Variants in PYCR2 observed in about 807,000 individuals in gnomAD.
PYCR2 encodes pyrroline-5-carboxylate reductase 2.
PYCR2 carries 17 observed loss-of-function variants against 23.4 expected under a neutral mutation model. The observed-to-expected ratio is 0.73, with a 90% CI of 0.50 to 1.09. The LOEUF is 1.09. Among genes scored for constraint, PYCR2 ranks in the 50% least tolerant of loss-of-function variants. The pLI is 0.00. For synonymous variants in PYCR2, 172 were observed against 176.6 expected (o/e 0.97, Z 0.21); for missense variants, 380 against 423.5 (o/e 0.90, Z 0.90).
In PYCR2 at chr1:225,921,586, C is replaced by T. The variant is rs755339149; in HGVS notation, c.599G>A (p.Arg200His). Residue 200 changes from arginine (R) to histidine (H), a missense_variant, in exon 5 of 7, where the codon CGC becomes CAC. Transcript: ENST00000343818. This position sits in a 1 kb window ranked among gnomAD's most constrained non-coding sequence, Gnocchi z 4.2. Reference protein sequence around the residue: ...DGGVKMGLPRRLAIQLGAQAL... With the variant: ...DGGVKMGLPRHLAIQLGAQAL... The stretch of plus-strand genomic sequence containing the variant: ...CTGGGCCCCGAGTTGGATTGCCAGG[C>T]GCCGTGGCAAACCCATCTTCACCCC... 16 of 1,614,068 alleles carry T rather than the reference C, an allele frequency of 9.9e-6. No homozygotes were observed. The highest frequency in any genetic ancestry group is 4.5e-5 in the East Asian group (2 of 44,898).
chr1:225,924,084 G>A lies in PYCR2; in HGVS notation c.27C>T (p.Gly9=), dbSNP rs1191219129. The part of the protein sequence containing the change: MSVGFIGA[G]QLAYALARGF... ...CCCGCGCCAGAGCATAGGCCAGCTG[G>A]CCGGCCCCGATGAAGCCCACGCTCA... The change falls in exon 1 of 7, where the codon GGC becomes GGT. Residue 9 remains glycine, a synonymous_variant. Coordinates refer to ENST00000343818, the MANE Select transcript of PYCR2 (RefSeq NM_013328.4). 2 of 1,545,678 alleles carry A rather than the reference G, an allele frequency of 1.3e-6. No individual in the cohort carries two copies. Among genetic ancestry groups the A allele is most frequent in the South Asian group, 1.2e-5 (1 of 84,296 alleles).
At chr1:225,920,737 G>A (rs544210229) in intron 6 of PYCR2, 117 bp from the exon 7 acceptor site, 3 of 1,197,710 alleles carry the variant, frequency 2.5e-6, no homozygotes, top group Non-Finnish European at 2.4e-6. Context: ...CCAAAAATTA[G>A]AGCCCCAAGA....
At chr1:225,923,936 A>AC in intron 1 of PYCR2, 108 bp downstream of exon 1, 1 of 1,479,576 alleles carries the variant, frequency 6.8e-7, no homozygotes, top group South Asian at 1.2e-5. Flanking sequence ...AGTCTCATCT[A>AC]CCCCACCGGA....
Position 225,922,232 on chromosome 1 carries a change from G to A in PYCR2, c.290C>T (p.Ala97Val). The A allele has an allele frequency of 6.2e-7, 1 of 1,614,094 alleles. No individual in the cohort carries two copies. Among genetic ancestry groups the A allele is most frequent in the Non-Finnish European group, 8.5e-7 (1 of 1,179,962 alleles). Residue 97 changes from alanine (A) to valine (V), a missense_variant, in exon 3 of 7, where the codon GCT (alanine) becomes GTT (valine). Coordinates refer to ENST00000343818, the MANE Select transcript of PYCR2 (RefSeq NM_013328.4). Reference protein sequence around the residue: ...QARHIVVSCAAGVTISSVEKK... With the variant: ...QARHIVVSCAVGVTISSVEKK... Reference sequence around the variant, plus strand: ...CTCCACAGAGCTGATGGTGACACCAGCCGCACAGGAGACCACGATGTGTCT... The same window carrying A: ...CTCCACAGAGCTGATGGTGACACCAACCGCACAGGAGACCACGATGTGTCT...
chr1:225,922,891 A>G, intron 2 of PYCR2: 3 of 699,214 alleles, frequency 4.3e-6, no homozygotes, highest in Non-Finnish European at 5.3e-6. Flanking sequence ...AGCCCACCCT[A>G]GGCACAGACA....
Position 225,920,362 on chromosome 1 carries a change from G to A in PYCR2, c.*93C>T. Reference sequence around the variant, plus strand: ...CATGCTTTCTCCTTGCACAGCTGAGGAGGGGCAATGGTGGGAGCGGGGCAG... The same window carrying A: ...CATGCTTTCTCCTTGCACAGCTGAGAAGGGGCAATGGTGGGAGCGGGGCAG... On this transcript the variant is annotated 3_prime_UTR_variant, in exon 7 of 7. Coordinates refer to ENST00000343818, the MANE Select transcript of PYCR2 (RefSeq NM_013328.4). 2 of 1,224,936 alleles carry A rather than the reference G, an allele frequency of 1.6e-6. No homozygotes were observed. Among genetic ancestry groups the A allele is most frequent in the East Asian group, 2.6e-5 (1 of 38,544 alleles). The allele number at this position is 1,224,936 out of a possible 1,614,324, so 75.9% of individuals were successfully genotyped here.
At chr1:225,923,099 G>A (rs1559068350) in intron 2 of PYCR2, 1 of 869,784 alleles carries the variant, frequency 1.1e-6, no homozygotes, top group Non-Finnish European at 1.4e-6. Flanking sequence ...AGTACTTTAA[G>A]GTCATACAAC....
chr1:225,922,267 G>A lies in PYCR2; in HGVS notation c.255C>T (p.Asp85=), dbSNP rs768872418. Residue 85 remains aspartate, a synonymous_variant, in exon 3 of 7, where the codon GAC becomes GAT. Coordinates refer to ENST00000343818, the MANE Select transcript of PYCR2 (RefSeq NM_013328.4). ...IPFILDEIGA[D]VQARHIVVSC... is the part of the protein sequence containing the mutation. ...AGACCACGATGTGTCTGGCTTGCAC[G>A]TCGGCCCCAATCTCATCCAGGATGA... is the stretch of plus-strand genomic sequence containing the variant. 28 of 1,614,062 alleles carry A rather than the reference G, an allele frequency of 1.7e-5. No individual in the cohort carries two copies. The highest frequency in any genetic ancestry group is 5.0e-5 in the Admixed American group (3 of 60,006).
At chr1:225,922,798 T>C (rs144765601) in intron 2 of PYCR2, 24 of 220,478 alleles carry the variant, frequency 1.1e-4, no homozygotes, top group East Asian at 2.6e-4. Context: ...ACAGTCTCCA[T>C]GTGGTCCAGG....
chr1:225,920,670 C>T, intron 6 of PYCR2, 50 bp from the exon 7 acceptor site: 1 of 1,578,438 alleles, frequency 6.3e-7, no homozygotes, highest in Non-Finnish European at 8.7e-7. Flanking sequence ...AACCCTGGGG[C>T]CAGAGCTTTG....
At chr1:225,920,739 G>T (rs1671813495) in intron 6 of PYCR2, 119 bp from the exon 7 acceptor site, 1 of 1,180,708 alleles carries the variant, frequency 8.5e-7, no homozygotes, top group Non-Finnish European at 1.2e-6. Context: ...AAAAATTAGA[G>T]CCCCAAGACA....
chr1:225,922,265 A>G lies in PYCR2; in HGVS notation c.257T>C (p.Val86Ala). 6.2e-7 allele frequency: 1 copy of G among 1,614,188 alleles called. No homozygotes were observed. The highest frequency in any genetic ancestry group is 8.5e-7 in the Non-Finnish European group (1 of 1,180,030). ...PFILDEIGAD[V>A]QARHIVVSCA... is the part of the protein sequence containing the mutation. ...GGAGACCACGATGTGTCTGGCTTGC[A>G]CGTCGGCCCCAATCTCATCCAGGAT... is the stretch of plus-strand genomic sequence containing the variant. The change falls in exon 3 of 7, where the codon GTG becomes GCG. Residue 86 changes from valine to alanine, a missense_variant. Physicochemically the swap from Val to Ala is moderately conservative, Grantham distance 64. Coordinates refer to ENST00000343818, the MANE Select transcript of PYCR2 (RefSeq NM_013328.4).
At position 225,921,761 on chromosome 1, in the gene PYCR2, C is replaced by T. The variant is rs1671846647; in HGVS notation, c.540+97G>A. On this transcript the variant is annotated intron_variant, in intron 4 of 6. Transcript: ENST00000343818. The surrounding 1 kb of genome is among the most constrained non-coding windows in gnomAD (Gnocchi z 4.2). ...CAGCATCCTGTACCAGCCAGCTGTG[C>T]CCAAGAGGTGGGCGCCACCCCCAGT... 6.3e-7 allele frequency: 1 copy of T among 1,584,396 alleles called. No homozygotes were observed. The highest frequency in any genetic ancestry group is 1.3e-5 in the African/African-American group (1 of 74,322).
chr1:225,920,893 T>C (rs996853899), intron 6 of PYCR2, among the ~76,000 whole-genome samples: 2 of 152,216 alleles, frequency 1.3e-5, no homozygotes, highest in South Asian at 2.1e-4. Context: ...TTTGGAGTCA[T>C]AGATTCAAAT....
At chr1:225,923,850 C>A in intron 1 of PYCR2, 79 bp from the exon 2 acceptor site, 1 of 1,591,550 alleles carries the variant, frequency 6.3e-7, no homozygotes, top group South Asian at 1.1e-5. Context: ...AAACCCAGAG[C>A]CGTCCTAACA....
chr1:225,920,724 C>T (rs1398350915), intron 6 of PYCR2, 104 bp from the exon 7 acceptor site: 3 of 1,354,776 alleles, frequency 2.2e-6, no homozygotes, highest in African/African-American at 1.5e-5. Flanking sequence ...TGATGTGACA[C>T]CACCAAAAAT....
intron 2 of PYCR2, chr1:225,923,054 C>T (rs1671888865): frequency 1.0e-6 from 1 of 965,530 alleles, no homozygotes; most frequent in Non-Finnish European, 1.2e-6. Flanking sequence ...AAAGTGGCCA[C>T]TGTTGTAAAT....
chr1:225,921,083 G>C lies in PYCR2; in HGVS notation c.797+125C>G, dbSNP rs974056762. ...ATCTACTAAGTTGTGGTTATTAACA[G>C]AGCACAGACTCCAACACTGCTAAAT... On this transcript the variant is annotated intron_variant, in intron 6 of 6. Coordinates refer to ENST00000343818, the MANE Select transcript of PYCR2 (RefSeq NM_013328.4). The surrounding 1 kb of genome is among the most constrained non-coding windows in gnomAD (Gnocchi z 4.2). The C allele has an allele frequency of 4.9e-6, 5 of 1,021,514 alleles. No individual in the cohort carries two copies. Among genetic ancestry groups the C allele is most frequent in the Non-Finnish European group, 5.8e-6 (4 of 693,332 alleles). 63.3% of individuals were successfully genotyped at this position (1,021,514 alleles called of 1,614,324 possible). A position where few individuals can be genotyped will look rare whatever the true frequency, so the allele number is the denominator to read the frequency against.
chr1:225,921,842 C>T lies in PYCR2; in HGVS notation c.540+16G>A. ...CTGGGTTCCTAGAAGGCTGAGCGAG[C>T]AAATGAGGGCCTCACATAGGCAGGC... On this transcript the variant is annotated intron_variant, in intron 4 of 6. Transcript: ENST00000343818. The surrounding 1 kb of genome is among the most constrained non-coding windows in gnomAD (Gnocchi z 4.2). The T allele has an allele frequency of 1.2e-6, 2 of 1,612,702 alleles. No individual in the cohort carries two copies. The highest frequency in any genetic ancestry group is 1.7e-5 in the Admixed American group (1 of 59,994).
Sources: gnomAD v4.1 joint callset for allele counts (sites outside exome capture counted in the v4.1 genomes callset) on GRCh38, gnomAD v4.1.1 for gene constraint, Gnocchi (gnomAD v3.1) non-coding constraint, MANE v1.5 for transcripts, NCBI Gene and HGNC (gene_info 2026-07-23, HGNC 2026-07-21) for gene names.